The following NSUN2 variants were observed in gnomAD, a reference collection of about 807,000 sequenced individuals.
NSUN2 encodes RNA cytosine C(5)-methyltransferase NSUN2.
Under a neutral mutation model 92.7 loss-of-function variants are expected in NSUN2, and 63 were observed. The observed-to-expected ratio is 0.68, with a 90% CI of 0.56 to 0.84. NSUN2 has a LOEUF of 0.84. Ranked by LOEUF, NSUN2 falls within the 40% of genes least tolerant of loss-of-function variation. The pLI is 0.00. For missense variants in NSUN2, 989 were observed against 964.9 expected (o/e 1.02, Z -0.33); for synonymous variants, 356 against 348.3 (o/e 1.02, Z -0.25).
At chr5:6,628,049 T>C (rs1737723302) in intron 3 of NSUN2, among the ~76,000 whole-genome samples, 1 of 152,162 alleles carries the variant, frequency 6.6e-6, no homozygotes, top group South Asian at 2.1e-4. Context: ...AATCTAGACA[T>C]TAAAAAGCAC....
chr5:6,623,187 C>T lies in NSUN2; in HGVS notation c.537+27G>A, dbSNP rs767434431. Reference sequence around the variant, plus strand: ...TGACACTGGTAACAAGCTGCCCGCCCCCACGTTTCTAGTTGCTATATGCTA... The same window carrying T: ...TGACACTGGTAACAAGCTGCCCGCCTCCACGTTTCTAGTTGCTATATGCTA... On this transcript the variant is annotated intron_variant, in intron 5 of 18. Transcript: ENST00000264670. 7 of 1,570,752 alleles carry T rather than the reference C, an allele frequency of 4.5e-6. No homozygotes were observed. The Admixed American group carries it at 1.3e-4, about 28-fold the overall frequency.
intron 5 of NSUN2, 131 bp from the exon 6 acceptor site, chr5:6,622,231 G>T: frequency 1.5e-6 from 1 of 675,768 alleles, no homozygotes; most frequent in Non-Finnish European, 2.5e-6. Context: ...TCTATAGCAT[G>T]ACATAATTTA....
intron 11 of NSUN2, 51 bp from the exon 12 acceptor site, chr5:6,609,973 T>C (rs1736922251): frequency 1.6e-6 from 2 of 1,262,726 alleles, no homozygotes; most frequent in Non-Finnish European, 1.1e-6. Flanking sequence ...AAATGCATTC[T>C]TTTACTATTA....
At position 6,623,227 on chromosome 5, in the gene NSUN2, C is replaced by T. The variant is rs778979236; in HGVS notation, c.524G>A (p.Arg175Gln). The T allele has an allele frequency of 1.9e-5, 31 of 1,606,728 alleles. No individual in the cohort carries two copies. Among genetic ancestry groups the T allele is most frequent in the South Asian group, 1.1e-4 (10 of 89,190 alleles). The change falls in exon 5 of 19, where the codon CGG becomes CAG. Residue 175 changes from arginine to glutamine, a missense_variant. This residue lies in a region of NSUN2 where 356 missense variants were observed against 338.6 expected (regional missense o/e 1.05). Transcript: ENST00000264670. The stretch of plus-strand genomic sequence containing the variant: ...GCTATATGCTACCTTATGATGAGGC[C>T]GCACGTTGAGGAGCAGTGGTGGGAT... ...SMIPPLLLNV[R>Q]PHHKILDMCA...
Position 6,609,902 on chromosome 5 carries a change from T to G in NSUN2, c.1247A>C (p.His416Pro). Residue 416 changes from histidine to proline, a missense_variant, in exon 12 of 19, where the codon CAT becomes CCT. His to Pro is a moderately conservative substitution (Grantham distance 77). This residue lies in a region of NSUN2 where 626 missense variants were observed against 602.3 expected (regional missense o/e 1.04). Coordinates refer to ENST00000264670, the MANE Select transcript of NSUN2 (RefSeq NM_017755.6). ...CACAAAAAACCCTCCAGTATTCTGA[T>G]GATGGGGTAATATCCTAAGGCTAAA... is the stretch of plus-strand genomic sequence containing the variant. ...LERCLRILPH[H>P]QNTGGFFVAV... 6.2e-7 allele frequency: 1 copy of G among 1,612,718 alleles called. No homozygotes were observed. Among genetic ancestry groups the G allele is most frequent in the Non-Finnish European group, 8.5e-7 (1 of 1,178,840 alleles).
rs764300435 is a variant in NSUN2, at chr5:6,632,724, C to T, written c.129G>A (p.Lys43=). The part of the protein sequence containing the change: ...GWEGGYPEIV[K]ENKLFEHYYQ... ...AGTAGTGCTCGAACAGCTTGTTCTC[C>T]TTGACGATCTCGGGGTAGCCTCCTT... The change falls in exon 2 of 19, where the codon AAG becomes AAA. Residue 43 remains lysine, a synonymous_variant. Transcript: ENST00000264670. 1.5e-5 allele frequency: 24 copies of T among 1,613,990 alleles called. No individual in the cohort carries two copies. Among genetic ancestry groups the T allele is most frequent in the Non-Finnish European group, 1.9e-5 (23 of 1,179,994 alleles).
At chr5:6,623,359 T>C in intron 4 of NSUN2, 74 bp from the exon 5 acceptor site, 1 of 1,351,560 alleles carries the variant, frequency 7.4e-7, no homozygotes, top group Non-Finnish European at 1.0e-6. Context: ...TCTTTGGCAT[T>C]GTTTCAAAGG....
chr5:6,624,241 C>T (rs1191154297), intron 4 of NSUN2, among the ~76,000 whole-genome samples: 1 of 152,172 alleles, frequency 6.6e-6, no homozygotes, highest in Non-Finnish European at 1.5e-5. Flanking sequence ...TGTATCCATC[C>T]AAGGTTTTGA....
In NSUN2 at chr5:6,632,605, T is replaced by C; in HGVS notation, c.248A>G (p.Tyr83Cys). 2.5e-6 allele frequency: 4 copies of C among 1,613,970 alleles called. No homozygotes were observed. Among genetic ancestry groups the C allele is most frequent in the South Asian group, 2.2e-5 (2 of 91,076 alleles). ...TCAGGCACTGCCTCCCTACCTTTTG[T>C]AACCAGTAATTCTTAAAGTGGCCGG... ...PLPATLRITGYKSHAKEILHC... is the reference protein window; with the variant it reads ...PLPATLRITGCKSHAKEILHC... Residue 83 changes from tyrosine (Y) to cysteine (C), a missense_variant, in exon 2 of 19, where the codon TAC becomes TGC. By Grantham distance (194) the Tyr-to-Cys change is radical. This residue lies in a region of NSUN2 where 356 missense variants were observed against 338.6 expected (regional missense o/e 1.05). Coordinates refer to ENST00000264670, the MANE Select transcript of NSUN2 (RefSeq NM_017755.6).
At chr5:6,605,508 A>C in intron 14 of NSUN2, 100 bp from the exon 15 acceptor site, 2 of 1,308,410 alleles carry the variant, frequency 1.5e-6, no homozygotes, top group Non-Finnish European at 2.2e-6. Context: ...AATCCCCAAA[A>C]CTGCAGTGTG....
intron 18 of NSUN2, 120 bp from the exon 19 acceptor site, chr5:6,600,352 CA>C (rs1052150776): frequency 1.6e-4 from 138 of 875,448 alleles, no homozygotes; most frequent in Admixed American, 8.0e-4. Flanking sequence ...ACAAAACCCC[CA>C]AAACTACTGG....
chr5:6,622,812 A>C (rs1737499722), intron 5 of NSUN2, among the ~76,000 whole-genome samples: 1 of 148,788 alleles, frequency 6.7e-6, no homozygotes, highest in Non-Finnish European at 1.5e-5. Flanking sequence ...GCGCCACTGC[A>C]CTCCAGCCTG....
At chr5:6,600,256 T>C (rs1376279201) in intron 18 of NSUN2, 24 bp from the exon 19 acceptor site, 3 of 1,600,134 alleles carry the variant, frequency 1.9e-6, no homozygotes, top group Admixed American at 1.7e-5. Context: ...TGGCTTCATG[T>C]AGAACATTAA....
At chr5:6,601,866 C>T (rs1423565596) in intron 18 of NSUN2, among the ~76,000 whole-genome samples, 3 of 152,178 alleles carry the variant, frequency 2.0e-5, no homozygotes, top group Non-Finnish European at 2.9e-5. Flanking sequence ...TTCTGCCACT[C>T]GTGAGCTGAG....
chr5:6,600,201 AGAC>A lies in NSUN2; in HGVS notation c.2026_2028del (p.Val676del). ...GAGGCCTTTCCCCGCCATCCGCATA[AGAC>A]GATGGGACACTGCAGAGCGTCTGGA... On this transcript the variant is annotated inframe_deletion, in exon 19 of 19. Transcript: ENST00000264670. The A allele has an allele frequency of 2.5e-6, 4 of 1,614,222 alleles. No individual in the cohort carries two copies. In the South Asian group the frequency reaches 4.4e-5, roughly 18 times the overall value.
intron 9 of NSUN2, among the ~76,000 whole-genome samples, chr5:6,613,484 A>G (rs961557289): frequency 1.3e-5 from 2 of 152,196 alleles, no homozygotes; most frequent in African/African-American, 4.8e-5. Flanking sequence ...CCCCCAAGGT[A>G]TCTCCCCTGG....
chr5:6,617,831 T>C (rs957232306), intron 8 of NSUN2, 119 bp downstream of exon 8: 2 of 678,258 alleles, frequency 2.9e-6, no homozygotes, highest in South Asian at 2.6e-5. Flanking sequence ...AAGGTGGCCA[T>C]TGACCATCCT....
intron 8 of NSUN2, 132 bp downstream of exon 8, chr5:6,617,818 T>G (rs2126492709): frequency 1.8e-6 from 1 of 567,846 alleles, no homozygotes; most frequent in East Asian, 3.0e-5. Context: ...GATAAAACAG[T>G]TGAAGGTGGC....
rs1560977731 is a variant in NSUN2, at chr5:6,614,121, A to C, written c.1022-2323T>G. 3.1e-4 allele frequency among the ~76,000 whole-genome samples: 8 copies of C among 25,862 alleles called. 2 individuals are homozygous for C. The highest frequency in any genetic ancestry group is 1.1e-3 in the East Asian group (1 of 926). 17.0% of individuals were successfully genotyped at this position (25,862 alleles called of 152,430 possible). On this transcript the variant is annotated intron_variant, in intron 9 of 18. Transcript: ENST00000264670. ...AAAAAAAAAAAAAAAAAAAAAAAAA[A>C]ACCCACAACACACACATATAGACAG...
Sources: allele counts gnomAD v4.1 joint callset (sites outside exome capture counted in the v4.1 genomes callset), GRCh38; gene constraint gnomAD v4.1.1; regional missense constraint gnomAD v4.1.1; transcripts MANE v1.5; gene names NCBI Gene and HGNC (gene_info 2026-07-23, HGNC 2026-07-21).